Variants in SNTG2 observed in about 807,000 individuals in gnomAD.
The protein encoded by SNTG2 is gamma-2-syntrophin.
SNTG2 carries 74 observed loss-of-function variants against 70.9 expected under a neutral mutation model. The observed-to-expected ratio is 1.04, with a 90% CI of 0.86 to 1.27. SNTG2 has a LOEUF of 1.27. Ranked by LOEUF, SNTG2 falls within the 50% of genes most tolerant of loss-of-function variation. SNTG2 has a pLI of 0.00. For synonymous variants in SNTG2, 278 were observed against 273.8 expected (o/e 1.02, Z -0.15); for missense variants, 717 against 690.7 (o/e 1.04, Z -0.43).
chr2:999,724 A>G lies in SNTG2; in HGVS notation c.72+48656A>G, dbSNP rs1353429122. Among the ~76,000 whole-genome samples the G allele has an allele frequency of 3.9e-5, 6 of 152,134 alleles. No individual in the cohort carries two copies. The South Asian group carries it at 1.0e-3, about 26-fold the overall frequency. On this transcript the variant is annotated intron_variant, in intron 1 of 16. Transcript: ENST00000308624. ...CCCTACTGAGAGAACTAGACAAATC[A>G]TTGAGATTGAAAATCAACTAAAAAT... is the stretch of plus-strand genomic sequence containing the variant.
At chr2:956,147 CGCCCCT>C (rs1450993381) in intron 1 of SNTG2, among the ~76,000 whole-genome samples, 7 of 47,982 alleles carry the variant, frequency 1.5e-4, no homozygotes, top group East Asian at 8.7e-4. Context: ...CACCGCGCCC[CGCCCCT>C]GCCCCTGCCC....
chr2:1,133,302 CTT>C (rs1668144443), intron 4 of SNTG2, among the ~76,000 whole-genome samples: 1 of 152,154 alleles, frequency 6.6e-6, no homozygotes, highest in Non-Finnish European at 1.5e-5. Context: ...ACAGAAGTGT[CTT>C]TACAAATTCT....
chr2:1,279,021 T>C (rs1461928232), intron 14 of SNTG2, among the ~76,000 whole-genome samples: 1 of 89,204 alleles, frequency 1.1e-5, no homozygotes, highest in Non-Finnish European at 2.6e-5. Context: ...AACCGCTGTC[T>C]GTGCGTGAAT....
intron 1 of SNTG2, among the ~76,000 whole-genome samples, chr2:1,056,959 AG>A (rs1558349448): frequency 1.5e-4 from 1 of 6,646 alleles, no homozygotes; most frequent in Admixed American, 1.0e-3. Flanking sequence ...CGCTGTGGGG[AG>A]GGAGGGAGGG....
chr2:1,022,420 C>A (rs772356455), intron 1 of SNTG2, among the ~76,000 whole-genome samples: 54 of 151,880 alleles, frequency 3.6e-4, no homozygotes, highest in Non-Finnish European at 4.9e-4. Context: ...TTCTCGTTAG[C>A]CCCTGCATTG....
At chr2:1,151,920 A>G (rs1669524420) in intron 6 of SNTG2, among the ~76,000 whole-genome samples, 1 of 151,972 alleles carries the variant, frequency 6.6e-6, no homozygotes, top group Non-Finnish European at 1.5e-5. Context: ...TTGAAAACAG[A>G]TTTGCTCAAT....
chr2:1,098,684 C>G (rs889387541), intron 4 of SNTG2, among the ~76,000 whole-genome samples: 2 of 152,120 alleles, frequency 1.3e-5, no homozygotes, highest in Non-Finnish European at 2.9e-5. Context: ...ATTGATGATT[C>G]AGGGGTTTGA....
rs796373915 is a variant in SNTG2, at chr2:1,256,299, T to C, written c.1006-3071T>C. On this transcript the variant is annotated intron_variant, in intron 12 of 16. Coordinates refer to ENST00000308624, the MANE Select transcript of SNTG2 (RefSeq NM_018968.4). ...AGTGTCGTGACGTGGTGCATGACTG[T>C]ATAGACACACACGCACACACATTTG... is the stretch of plus-strand genomic sequence containing the variant. The C allele has an allele frequency of 1.1e-4, 17 of 152,242 alleles. 1 individual carries two copies. The highest frequency in any genetic ancestry group is 3.9e-4 in the African/African-American group (16 of 41,528). 9.4% of individuals were successfully genotyped at this position (152,242 alleles called of 1,614,324 possible). A position where few individuals can be genotyped will look rare whatever the true frequency, so the allele number is the denominator to read the frequency against.
chr2:1,355,909 G>C (rs1461321959), intron 16 of SNTG2, among the ~76,000 whole-genome samples: 1 of 152,192 alleles, frequency 6.6e-6, no homozygotes. Flanking sequence ...TAGTGTCTCA[G>C]TGTGGTTTTG....
intron 4 of SNTG2, 98 bp from the exon 5 acceptor site, chr2:1,137,524 A>G (rs1668472268): frequency 7.9e-7 from 1 of 1,260,782 alleles, no homozygotes; most frequent in East Asian, 2.4e-5. Flanking sequence ...ACACGTGGCC[A>G]CTTCAGCTAC....
intron 1 of SNTG2, among the ~76,000 whole-genome samples, chr2:966,597 A>G (rs1465727798): frequency 6.6e-6 from 1 of 152,272 alleles, no homozygotes; most frequent in Non-Finnish European, 1.5e-5. Flanking sequence ...AAAACAAAAT[A>G]TAAATAAGTT....
intron 14 of SNTG2, among the ~76,000 whole-genome samples, chr2:1,308,204 G>A (rs984461730): frequency 2.0e-5 from 3 of 152,154 alleles, no homozygotes; most frequent in Non-Finnish European, 4.4e-5. Flanking sequence ...GGAGAATAGA[G>A]ATTGGCTGGG....
intron 9 of SNTG2, among the ~76,000 whole-genome samples, chr2:1,226,656 A>G: frequency 6.6e-6 from 1 of 152,094 alleles, no homozygotes; most frequent in East Asian, 1.9e-4. Flanking sequence ...GAAAAGGTGG[A>G]GACCAAGCCA....
intron 6 of SNTG2, among the ~76,000 whole-genome samples, chr2:1,151,645 T>C (rs1669503931): frequency 6.6e-6 from 1 of 152,284 alleles, no homozygotes; most frequent in African/African-American, 2.4e-5. Context: ...TTATGACTTA[T>C]ATTATTCTTT....
chr2:1,329,071 G>A (rs1681881268), intron 16 of SNTG2, among the ~76,000 whole-genome samples: 1 of 152,048 alleles, frequency 6.6e-6, no homozygotes, highest in Admixed American at 6.5e-5. Flanking sequence ...TGGGCAATTA[G>A]CAAACATTCC....
At chr2:1,069,677 G>T (rs777846611) in intron 1 of SNTG2, among the ~76,000 whole-genome samples, 10 of 152,040 alleles carry the variant, frequency 6.6e-5, no homozygotes, top group Non-Finnish European at 1.2e-4. Context: ...TGTAGTTCCA[G>T]CTACTCTGGA....
At chr2:1,162,046 C>A (rs1287256218) in intron 6 of SNTG2, among the ~76,000 whole-genome samples, 1 of 133,798 alleles carries the variant, frequency 7.5e-6, no homozygotes, top group African/African-American at 2.7e-5. Context: ...TGCACTCCAG[C>A]CTGGGCGACA....
rs544397438 is a variant in SNTG2, at chr2:1,239,508, T to A, written c.850-230T>A. Among the ~76,000 whole-genome samples, 17 of 152,350 alleles carry A rather than the reference T, an allele frequency of 1.1e-4. No individual in the cohort carries two copies. The South Asian group carries it at 3.5e-3, about 32-fold the overall frequency. On this transcript the variant is annotated intron_variant, in intron 10 of 16. Transcript: ENST00000308624. ...ACCTGCTCTTGAAGTGTAACTTCAC[T>A]TACATAAATGCTGATATTTGAAAAA... is the stretch of plus-strand genomic sequence containing the variant.
chr2:1,297,851 A>C (rs565187128), intron 14 of SNTG2, among the ~76,000 whole-genome samples: 86 of 152,344 alleles, frequency 5.6e-4, no homozygotes, highest in African/African-American at 2.0e-3. Flanking sequence ...AGACAGGCAG[A>C]AGTTAACAAG....
Sources: allele counts gnomAD v4.1 joint callset (sites outside exome capture counted in the v4.1 genomes callset), GRCh38; gene constraint gnomAD v4.1.1; transcripts MANE v1.5; gene names NCBI Gene and HGNC (gene_info 2026-07-23, HGNC 2026-07-21).